COQ8A: variants seen among roughly 807,000 people sequenced by gnomAD.
COQ8A encodes coenzyme Q8A.
Under a neutral mutation model 65.0 loss-of-function variants are expected in COQ8A, and 51 were observed. That is an observed-to-expected ratio of 0.78 (90% CI 0.63 to 0.99). The LOEUF (loss-of-function observed/expected upper bound fraction) is 0.99, where lower values mean the gene tolerates loss of function less well. Among genes scored for constraint, COQ8A ranks in the 50% least tolerant of loss-of-function variants. The pLI, the probability that COQ8A is intolerant of heterozygous loss-of-function variation, is 0.00. For missense variants in COQ8A, 940 were observed against 875.0 expected (o/e 1.07, Z -0.94); for synonymous variants, 371 against 353.2 (o/e 1.05, Z -0.57).
intron 4 of COQ8A, among the ~76,000 whole-genome samples, chr1:226,977,003 A>G (rs1659275914): frequency 6.6e-6 from 1 of 152,148 alleles, no homozygotes; most frequent in African/African-American, 2.4e-5. Context: ...GAATTAGGGA[A>G]GTCTAGGTGA....
chr1:226,952,700 C>T (rs1657460781), intron 1 of COQ8A, among the ~76,000 whole-genome samples: 2 of 152,206 alleles, frequency 1.3e-5, no homozygotes, highest in South Asian at 4.1e-4. Flanking sequence ...GCGTGTGCCG[C>T]TTCACCCAAC....
chr1:226,956,062 C>CA (rs1657722431), intron 1 of COQ8A, among the ~76,000 whole-genome samples: 1 of 109,646 alleles, frequency 9.1e-6, no homozygotes, highest in Admixed American at 9.5e-5. Context: ...TCCCTGGCTC[C>CA]CACTCTCCCT....
At chr1:226,966,993 C>T (rs1433208442) in intron 4 of COQ8A, among the ~76,000 whole-genome samples, 1 of 152,194 alleles carries the variant, frequency 6.6e-6, no homozygotes, top group African/African-American at 2.4e-5. Flanking sequence ...TATTTGGCAT[C>T]CACTGTACTT....
intron 2 of COQ8A, among the ~76,000 whole-genome samples, chr1:226,964,547 C>G (rs1658443633): frequency 6.6e-6 from 1 of 152,206 alleles, no homozygotes; most frequent in African/African-American, 2.4e-5. Flanking sequence ...TCCATGTCTG[C>G]AGTAAGCTGT....
At chr1:226,984,402 C>G in intron 11 of COQ8A, 146 bp from the exon 12 acceptor site, 1 of 1,279,248 alleles carries the variant, frequency 7.8e-7, no homozygotes. Context: ...GAGCTGCTGC[C>G]TTCCCTGGCC....
chr1:226,940,479 A>G (rs1048584669), intron 1 of COQ8A, 80 bp downstream of exon 1: 3 of 152,228 alleles, frequency 2.0e-5, no homozygotes, highest in Non-Finnish European at 4.4e-5. Context: ...CACCCACCTC[A>G]GCCCTTCTTG....
intron 5 of COQ8A, among the ~76,000 whole-genome samples, chr1:226,980,921 C>T (rs904174150): frequency 6.6e-6 from 1 of 152,248 alleles, no homozygotes; most frequent in Non-Finnish European, 1.5e-5. Flanking sequence ...GGCACGGTCA[C>T]CTCTCTCTTC....
In COQ8A at chr1:226,984,136, T is replaced by C. The variant is rs375710485; in HGVS notation, c.1299T>C (p.Ile433=). The C allele has an allele frequency of 6.2e-7, 1 of 1,613,772 alleles. No individual in the cohort carries two copies. Among genetic ancestry groups the C allele is most frequent in the Non-Finnish European group, 8.5e-7 (1 of 1,179,970 alleles). The change falls in exon 11 of 15, where the codon ATT becomes ATC. Residue 433 remains isoleucine (I), a synonymous_variant. Transcript: ENST00000366777. ...ACCCCTTCTTCTATGTGCCTGAGATTGTGGATGAGCTCTGCAGCCCACATG... is the reference window on the plus strand; with the variant it reads ...ACCCCTTCTTCTATGTGCCTGAGATCGTGGATGAGCTCTGCAGCCCACATG... ...KGHPFFYVPE[I]VDELCSPHVL...
At chr1:226,952,571 G>A (rs2777835) in intron 1 of COQ8A, among the ~76,000 whole-genome samples, 8,523 of 151,890 alleles carry the variant, frequency 0.056, 488 homozygotes, top group East Asian at 0.27. Context: ...GCAGCACCAC[G>A]CCTGGCTAAT....
At chr1:226,941,879 G>A (rs1343120244) in intron 1 of COQ8A, among the ~76,000 whole-genome samples, 3 of 152,090 alleles carry the variant, frequency 2.0e-5, no homozygotes, top group Non-Finnish European at 4.4e-5. Flanking sequence ...CTAATGTTGA[G>A]CAACTCAAAG....
chr1:226,957,294 C>A (rs1212269811), intron 1 of COQ8A, among the ~76,000 whole-genome samples: 1 of 130,930 alleles, frequency 7.6e-6, no homozygotes, highest in African/African-American at 3.0e-5. Flanking sequence ...CCCCCCCCCC[C>A]ACCTCCCTGG....
At chr1:226,947,291 G>A (rs1355266227) in intron 1 of COQ8A, among the ~76,000 whole-genome samples, 1 of 152,178 alleles carries the variant, frequency 6.6e-6, no homozygotes, top group East Asian at 1.9e-4. Context: ...GAAGGGTCCA[G>A]CATCCCACAG....
chr1:226,964,589 T>G (rs1237189026), intron 2 of COQ8A, among the ~76,000 whole-genome samples: 1 of 152,224 alleles, frequency 6.6e-6, no homozygotes, highest in East Asian at 1.9e-4. Context: ...TGTGCTTCCC[T>G]CACCCCTTGC....
chr1:226,966,000 C>T (rs1352989518), intron 4 of COQ8A, among the ~76,000 whole-genome samples: 6 of 152,238 alleles, frequency 3.9e-5, no homozygotes, highest in South Asian at 2.1e-4. Flanking sequence ...TTGGATTGCC[C>T]GGCAGGCCTC....
chr1:226,962,001 C>T (rs1389417487), intron 2 of COQ8A, among the ~76,000 whole-genome samples: 2 of 152,188 alleles, frequency 1.3e-5, no homozygotes, highest in Non-Finnish European at 2.9e-5. Context: ...TTAATTACTT[C>T]CCAAAGGCCC....
rs751879365 is a variant in COQ8A, at chr1:226,961,373, C to A, written c.-9-4C>A. 7.7e-5 allele frequency: 124 copies of A among 1,613,374 alleles called. No homozygotes were observed. The highest frequency in any genetic ancestry group is 9.2e-5 in the Non-Finnish European group (109 of 1,180,034). ...CTCCCCTGACTTGGCCTCCTCTCTT[C>A]CAGCCCTGAAGGATGGCTGCCATAT... On this transcript the variant is annotated splice_polypyrimidine_tract_variant and splice_region_variant and intron_variant, in intron 1 of 14. Coordinates refer to ENST00000366777, the MANE Select transcript of COQ8A (RefSeq NM_020247.5).
In COQ8A at chr1:226,946,447, A is replaced by C. The variant is rs1417079458; in HGVS notation, c.-10+6048A>C. 2.0e-5 allele frequency among the ~76,000 whole-genome samples: 3 copies of C among 152,146 alleles called. No homozygotes were observed. The highest frequency in any genetic ancestry group is 1.5e-5 in the Non-Finnish European group (1 of 68,026). On this transcript the variant is annotated intron_variant, in intron 1 of 14. Transcript: ENST00000366777. This position sits in a 1 kb window ranked among gnomAD's most constrained non-coding sequence, Gnocchi z 5.3. ...GGCTGAAGCGTTGGGGCACGGAGGC[A>C]TCTAGCGAGAGGTATCGCTGCAGAG...
rs11420839 is a variant in COQ8A, at chr1:226,987,122, A to AT, written c.*389dup. 117,984 of 293,388 alleles carry AT rather than the reference A, an allele frequency of 0.4. 26,073 individuals carry two copies. Among genetic ancestry groups the AT allele is most frequent in the Non-Finnish European group, 0.49 (73,266 of 150,030 alleles). 18.2% of individuals were successfully genotyped at this position (293,388 alleles called of 1,614,324 possible). On this transcript the variant is annotated 3_prime_UTR_variant, in exon 15 of 15. Coordinates refer to ENST00000366777, the MANE Select transcript of COQ8A (RefSeq NM_020247.5). ...AAACATGAACAGATACGATTGTGGG[A>AT]TTTTATCATCTGTGTAGTAGGTGTG...
chr1:226,941,774 C>CA lies in COQ8A; in HGVS notation c.-10+1391dup, dbSNP rs374191145. 8.4e-3 allele frequency among the ~76,000 whole-genome samples: 682 copies of CA among 81,370 alleles called. 4 individuals are homozygous for CA. The highest frequency in any genetic ancestry group is 0.016 in the Middle Eastern group (2 of 128). 53.4% of individuals were successfully genotyped at this position (81,370 alleles called of 152,430 possible). A position where few individuals can be genotyped will look rare whatever the true frequency, so the allele number is the denominator to read the frequency against. The stretch of plus-strand genomic sequence containing the variant: ...TGGGCAACAGAGCGAGACTCAATCT[C>CA]AAAAAAAAAAAAAAAAGGCTCAGGC... On this transcript the variant is annotated intron_variant, in intron 1 of 14. Transcript: ENST00000366777.
Sources: gnomAD v4.1 joint callset for allele counts (sites outside exome capture counted in the v4.1 genomes callset) on GRCh38, gnomAD v4.1.1 for gene constraint, Gnocchi (gnomAD v3.1) non-coding constraint, MANE v1.5 for transcripts, NCBI Gene and HGNC (gene_info 2026-07-23, HGNC 2026-07-21) for gene names.